DSCAM: variants seen among roughly 807,000 people sequenced by gnomAD.
DSCAM encodes the protein DS cell adhesion molecule.
In DSCAM, 47 loss-of-function variants were observed where a neutral mutation model predicts 217.7. That is an observed-to-expected ratio of 0.22 (90% confidence interval 0.17 to 0.28). DSCAM has a LOEUF of 0.28. Among genes scored for constraint, DSCAM ranks in the 10% least tolerant of loss-of-function variants. The pLI is 1.00. For synonymous variants in DSCAM, 1,056 were observed against 1,015.3 expected (o/e 1.04, Z -0.76); for missense variants, 2,080 against 2,618.3 (o/e 0.79, Z 4.49).
intron 3 of DSCAM, among the ~76,000 whole-genome samples, chr21:40,603,469 T>C: frequency 6.6e-6 from 1 of 152,208 alleles, no homozygotes; most frequent in East Asian, 1.9e-4. Flanking sequence ...ATTCTGCTTA[T>C]GCATTTTATT....
chr21:40,681,722 T>A (rs2090402989), intron 3 of DSCAM, among the ~76,000 whole-genome samples: 1 of 152,184 alleles, frequency 6.6e-6, no homozygotes, highest in African/African-American at 2.4e-5. Context: ...TAAGTTACCA[T>A]GAGGTCATAC....
intron 9 of DSCAM, among the ~76,000 whole-genome samples, chr21:40,304,651 T>C (rs577126170): frequency 6.6e-6 from 1 of 152,348 alleles, no homozygotes; most frequent in Non-Finnish European, 1.5e-5. Flanking sequence ...CTCCTCTCAC[T>C]GAAACACCGG....
chr21:40,249,320 G>A lies in DSCAM; in HGVS notation c.2356+26777C>T, dbSNP rs546804996. Among the ~76,000 whole-genome samples the A allele has an allele frequency of 3.3e-5, 5 of 152,208 alleles. No homozygotes were observed. The East Asian group carries it at 9.7e-4, about 30-fold the overall frequency. On this transcript the variant is annotated intron_variant, in intron 11 of 32. Transcript: ENST00000400454. ...TCTGAATCATAGGGGTAGTTTCCCC[G>A]ATACTGTTCTCATGGTAGTGGATAA...
At chr21:40,542,390 T>C (rs916731800) in intron 3 of DSCAM, among the ~76,000 whole-genome samples, 9 of 152,202 alleles carry the variant, frequency 5.9e-5, no homozygotes, top group Non-Finnish European at 1.2e-4. Flanking sequence ...ATTGTTCTAA[T>C]TGCTCATTGC....
At chr21:40,222,024 C>A (rs2091292975) in intron 11 of DSCAM, among the ~76,000 whole-genome samples, 1 of 152,112 alleles carries the variant, frequency 6.6e-6, no homozygotes, top group Admixed American at 6.5e-5. Flanking sequence ...CTATTTTTGT[C>A]TGGGTATTTG....
At chr21:40,327,941 G>A (rs1439448224) in intron 8 of DSCAM, among the ~76,000 whole-genome samples, 2 of 152,016 alleles carry the variant, frequency 1.3e-5, no homozygotes, top group South Asian at 4.1e-4. Flanking sequence ...AACCAAGGAG[G>A]TGAAAGATCT....
At chr21:40,385,795 A>T (rs1248373596) in intron 3 of DSCAM, among the ~76,000 whole-genome samples, 3 of 152,164 alleles carry the variant, frequency 2.0e-5, no homozygotes, top group African/African-American at 7.2e-5. Flanking sequence ...CTTTATATAT[A>T]TTTTTTTAAG....
chr21:40,149,660 G>A (rs1479592353), intron 16 of DSCAM, among the ~76,000 whole-genome samples: 78 of 83,384 alleles, frequency 9.4e-4, no homozygotes, highest in South Asian at 2.7e-3. Flanking sequence ...ACCATCCATC[G>A]CTCCATCACT....
At chr21:40,616,456 T>C (rs1036885835) in intron 3 of DSCAM, among the ~76,000 whole-genome samples, 2 of 152,232 alleles carry the variant, frequency 1.3e-5, no homozygotes, top group African/African-American at 2.4e-5. Flanking sequence ...GACCAGCTCC[T>C]GATAAAAGCT....
chr21:40,064,658 G>A (rs1035504787), intron 27 of DSCAM, among the ~76,000 whole-genome samples: 6 of 152,138 alleles, frequency 3.9e-5, no homozygotes, highest in African/African-American at 7.2e-5. Context: ...TGGGACGTGG[G>A]GAGCTTTGCC....
intron 10 of DSCAM, among the ~76,000 whole-genome samples, chr21:40,292,591 G>A (rs968985076): frequency 6.6e-6 from 1 of 151,794 alleles, no homozygotes; most frequent in Non-Finnish European, 1.5e-5. Context: ...TGAATAAAAT[G>A]CTGGCAAATT....
chr21:40,022,838 T>C (rs2088299251), intron 32 of DSCAM, among the ~76,000 whole-genome samples: 1 of 152,044 alleles, frequency 6.6e-6, no homozygotes, highest in Non-Finnish European at 1.5e-5. Context: ...TTACCAAAAG[T>C]ATTGAGTTGG....
At chr21:40,450,219 T>C (rs1348909917) in intron 3 of DSCAM, among the ~76,000 whole-genome samples, 1 of 152,166 alleles carries the variant, frequency 6.6e-6, no homozygotes, top group Non-Finnish European at 1.5e-5. Context: ...TAACATAAAA[T>C]AATACATCTG....
chr21:40,545,255 G>A (rs2076572625), intron 3 of DSCAM, among the ~76,000 whole-genome samples: 1 of 152,146 alleles, frequency 6.6e-6, no homozygotes, highest in African/African-American at 2.4e-5. Context: ...CCCTAAAATT[G>A]AGAAATCAAT....
At chr21:40,362,721 A>G (rs1262309533) in intron 4 of DSCAM, among the ~76,000 whole-genome samples, 5 of 152,154 alleles carry the variant, frequency 3.3e-5, no homozygotes, top group Non-Finnish European at 4.4e-5. Context: ...GTCTTTAATC[A>G]TCTGTTATCA....
intron 11 of DSCAM, among the ~76,000 whole-genome samples, chr21:40,226,177 C>T (rs1469748007): frequency 6.6e-6 from 1 of 152,152 alleles, no homozygotes; most frequent in African/African-American, 2.4e-5. Context: ...GACAGTCTGG[C>T]CCTCAGAACC....
intron 3 of DSCAM, among the ~76,000 whole-genome samples, chr21:40,635,435 T>C (rs1183402804): frequency 6.6e-6 from 1 of 152,006 alleles, no homozygotes; most frequent in Non-Finnish European, 1.5e-5. Flanking sequence ...ATTTAGAAAG[T>C]AGAGTTAATG....
chr21:40,646,511 A>G (rs968386346), intron 3 of DSCAM, among the ~76,000 whole-genome samples: 13 of 152,060 alleles, frequency 8.5e-5, no homozygotes, highest in African/African-American at 2.9e-4. Context: ...TCTGGAGTCC[A>G]TCGTGTTGCC....
chr21:40,196,423 ACCGCACGTTGGCTCAGAGT>A (rs1016263372), intron 11 of DSCAM, among the ~76,000 whole-genome samples: 6 of 152,104 alleles, frequency 3.9e-5, no homozygotes, highest in African/African-American at 1.4e-4. Context: ...CTCAGGCCCC[ACCGCACGTTGGCTCAGAGT>A]CCCTGGGGGT....
Sources: gnomAD v4.1 joint callset for allele counts (sites outside exome capture counted in the v4.1 genomes callset) on GRCh38, gnomAD v4.1.1 for gene constraint, MANE v1.5 for transcripts, NCBI Gene and HGNC (gene_info 2026-07-23, HGNC 2026-07-21) for gene names.